SAMD3: variants seen among roughly 807,000 people sequenced by gnomAD.
The protein encoded by SAMD3 is sterile alpha motif domain containing 3, also known as sterile alpha motif domain-containing protein 3.
In SAMD3, 63 loss-of-function variants were observed where a neutral mutation model predicts 58.5. That is an observed-to-expected ratio of 1.08 (90% CI 0.88 to 1.33). The LOEUF is 1.33. Among genes scored for constraint, SAMD3 ranks in the 40% most tolerant of loss-of-function variants. The pLI is 0.00. For synonymous variants in SAMD3, 220 were observed against 210.3 expected, an observed-to-expected ratio of 1.05 and a Z score of -0.40; for missense variants, 604 against 608.4, an observed-to-expected ratio of 0.99 and a Z score of 0.08.
At chr6:130,183,357 A>G (rs963469554) in intron 7 of SAMD3, 17 of 449,684 alleles carry the variant, frequency 3.8e-5, no homozygotes, top group African/African-American at 2.0e-4. Flanking sequence ...AAAGGAAAAA[A>G]AAAAAAAAGA....
chr6:130,146,090 G>A lies in SAMD3; in HGVS notation c.1115C>T (p.Ser372Phe). ...LESYSENILT[S>F]FSVVDNPINI... ...GATTGGATTGTCCACCACTGAAAAA[G>A]AAGTCAGTATATTTTCTGAATAGGA... The change falls in exon 10 of 12, where the codon TCT becomes TTT. Residue 372 changes from serine to phenylalanine, a missense_variant. Physicochemically the swap from Ser to Phe is radical, Grantham distance 155. Coordinates refer to ENST00000439090, the MANE Select transcript of SAMD3 (RefSeq NM_001017373.4). 2 of 1,600,572 alleles carry A rather than the reference G, an allele frequency of 1.2e-6. No individual in the cohort carries two copies. Among genetic ancestry groups the A allele is most frequent in the Non-Finnish European group, 1.7e-6 (2 of 1,172,426 alleles).
intron 2 of SAMD3, among the ~76,000 whole-genome samples, chr6:130,287,490 T>C (rs1316505866): frequency 1.3e-5 from 2 of 152,156 alleles, no homozygotes; most frequent in Non-Finnish European, 2.9e-5. Context: ...AAATAAGGTG[T>C]TAATTTGAGG....
intron 2 of SAMD3, among the ~76,000 whole-genome samples, chr6:130,306,134 G>T (rs945374316): frequency 6.6e-6 from 1 of 152,170 alleles, no homozygotes; most frequent in Non-Finnish European, 1.5e-5. Context: ...TTCAACGTAT[G>T]AATTGGGTAG....
chr6:130,269,482 T>C (rs1774480553), intron 2 of SAMD3, among the ~76,000 whole-genome samples: 1 of 152,286 alleles, frequency 6.6e-6, no homozygotes, highest in Admixed American at 6.5e-5. Context: ...TTCTCCTAAG[T>C]TGTTGAATTT....
At position 130,255,856 on chromosome 6, in the gene SAMD3, T is replaced by C. The variant is rs1306401010; in HGVS notation, c.-187-33043A>G. ...CGGCAACATATAGTTGGGTCTTGTC[T>C]TTTTTTTTTTTAAACCATTCAGTCA... On this transcript the variant is annotated intron_variant, in intron 2 of 13. Transcript: ENST00000368134. 4.7e-4 allele frequency among the ~76,000 whole-genome samples: 64 copies of C among 136,760 alleles called. 1 individual carries two copies. Among genetic ancestry groups the C allele is most frequent in the Admixed American group, 2.2e-3 (30 of 13,832 alleles). 89.7% of individuals were successfully genotyped at this position (136,760 alleles called of 152,430 possible).
At chr6:130,155,247 A>T (rs1789674217) in intron 8 of SAMD3, among the ~76,000 whole-genome samples, 2 of 152,236 alleles carry the variant, frequency 1.3e-5, no homozygotes, top group Non-Finnish European at 2.9e-5. Flanking sequence ...GAAAGATCTA[A>T]AAGAGTTACT....
intron 3 of SAMD3, 24 bp downstream of exon 3, chr6:130,215,171 T>G (rs757851935): frequency 1.2e-4 from 162 of 1,319,012 alleles, no homozygotes; most frequent in Non-Finnish European, 5.4e-6. Context: ...CAATTAAAAT[T>G]TTTGGAAAGC....
chr6:130,342,107 G>C (rs896541911), intron 1 of SAMD3, among the ~76,000 whole-genome samples: 5 of 152,146 alleles, frequency 3.3e-5, no homozygotes, highest in African/African-American at 1.2e-4. Context: ...CCCTCTATGA[G>C]CATGGGACAA....
In SAMD3 at chr6:130,144,314, CTT is replaced by C; in HGVS notation, c.*204_*205del. 1 of 551,878 alleles carries C rather than the reference CTT, an allele frequency of 1.8e-6. No homozygotes were observed. The highest frequency in any genetic ancestry group is 3.1e-6 in the Non-Finnish European group (1 of 323,628). The allele number at this position is 551,878 out of a possible 1,614,324, so 34.2% of individuals were successfully genotyped here. ...AAAAACTCAAAATAAATCGACAGCT[CTT>C]TAATGAAGTAGAATTTTATTACAGA... On this transcript the variant is annotated 3_prime_UTR_variant, in exon 12 of 12. Coordinates refer to ENST00000439090, the MANE Select transcript of SAMD3 (RefSeq NM_001017373.4).
chr6:130,357,801 A>C (rs1777878866), intron 1 of SAMD3, among the ~76,000 whole-genome samples: 1 of 152,230 alleles, frequency 6.6e-6, no homozygotes, highest in Non-Finnish European at 1.5e-5. Context: ...TTTATTAAAC[A>C]CTGTAAAAGA....
intron 8 of SAMD3, among the ~76,000 whole-genome samples, chr6:130,168,208 C>T (rs543168772): frequency 3.3e-5 from 5 of 152,036 alleles, no homozygotes; most frequent in East Asian, 3.9e-4. Context: ...CCAAGGTGGG[C>T]GGATCACCTG....
chr6:130,180,953 C>CTTTTCTTTTT (rs1554257134), intron 7 of SAMD3, among the ~76,000 whole-genome samples: 6 of 117,362 alleles, frequency 5.1e-5, no homozygotes, highest in African/African-American at 1.6e-4. Flanking sequence ...TTCTTTCTTT[C>CTTTTCTTTTT]TTTTTTCTTT....
chr6:130,284,161 AT>A (rs1775080547), intron 2 of SAMD3, among the ~76,000 whole-genome samples: 1 of 152,214 alleles, frequency 6.6e-6, no homozygotes, highest in African/African-American at 2.4e-5. Flanking sequence ...CCTAAGAAGC[AT>A]TTCTTACACA....
intron 2 of SAMD3, among the ~76,000 whole-genome samples, chr6:130,265,155 A>T (rs1774295362): frequency 6.6e-6 from 1 of 152,220 alleles, no homozygotes; most frequent in African/African-American, 2.4e-5. Flanking sequence ...CCGCATAACC[A>T]TTGAAGTTTA....
intron 2 of SAMD3, among the ~76,000 whole-genome samples, chr6:130,293,747 C>G: frequency 6.6e-6 from 1 of 151,326 alleles, no homozygotes; most frequent in Non-Finnish European, 1.5e-5. Flanking sequence ...ATTGTGTCAC[C>G]AGATTTAGGG....
At chr6:130,296,699 T>C (rs1775581909) in intron 2 of SAMD3, among the ~76,000 whole-genome samples, 1 of 151,940 alleles carries the variant, frequency 6.6e-6, no homozygotes, top group Non-Finnish European at 1.5e-5. Context: ...CATCTAGCAA[T>C]GGAGGAGAGA....
chr6:130,184,597 CT>C lies in SAMD3; in HGVS notation c.409del (p.Arg137GlufsTer24). On this transcript the variant is annotated frameshift_variant, in exon 6 of 12. Transcript: ENST00000439090. LOFTEE classifies it high-confidence loss of function. ...QRRNVKQILA[R>X]SKALQWTKSY... is the part of the protein sequence containing the mutation. ...CTTCGTCCACTGTAATGCTTTGCTT[CT>C]TGCTAGAATTTGTTTCACATTTCTT... 6.2e-7 allele frequency: 1 copy of C among 1,608,604 alleles called. No individual in the cohort carries two copies. The highest frequency in any genetic ancestry group is 8.5e-7 in the Non-Finnish European group (1 of 1,177,716).
chr6:130,232,294 T>G (rs1480017029), intron 2 of SAMD3, among the ~76,000 whole-genome samples: 1 of 152,152 alleles, frequency 6.6e-6, no homozygotes, highest in Non-Finnish European at 1.5e-5. Flanking sequence ...ACAAGGCCAT[T>G]ATAGATTTTT....
intron 1 of SAMD3, among the ~76,000 whole-genome samples, chr6:130,320,487 GT>G (rs1390468815): frequency 1.3e-5 from 2 of 152,164 alleles, no homozygotes; most frequent in African/African-American, 4.8e-5. Context: ...CAGCTTGGCA[GT>G]TTTAAAAAAG....
Sources: gnomAD v4.1 joint callset for allele counts (sites outside exome capture counted in the v4.1 genomes callset) on GRCh38, gnomAD v4.1.1 for gene constraint, MANE v1.5 for transcripts, NCBI Gene and HGNC (gene_info 2026-07-23, HGNC 2026-07-21) for gene names.